Variants in STK3 observed in about 807,000 individuals in gnomAD.
STK3 encodes the protein serine/threonine-protein kinase 3.
A neutral mutation model predicts 58.0 loss-of-function variants in STK3; 41 were observed. The observed-to-expected ratio is 0.71, with a 90% CI of 0.55 to 0.92. The LOEUF (loss-of-function observed/expected upper bound fraction) is 0.92. STK3 is among the 40% of genes least tolerant of loss of function. The pLI is 0.00. For missense variants in STK3, 479 were observed against 602.7 expected (o/e 0.79, Z 2.15); for synonymous variants, 170 against 191.0 (o/e 0.89, Z 0.91).
At chr8:98,454,484 G>C (rs1819350853), downstream of STK3, 1 of 152,618 alleles carries the variant, frequency 6.6e-6, no homozygotes, top group Admixed American at 6.5e-5. Flanking sequence ...TGGAGCAAGA[G>C]TGAGGAATAA....
chr8:98,928,118 C>T (rs1222131218), intron 1 of STK3, among the ~76,000 whole-genome samples: 1 of 152,186 alleles, frequency 6.6e-6, no homozygotes, highest in Non-Finnish European at 1.5e-5. Context: ...GTGTTCAAAG[C>T]AGGTTGGCAT....
intron 3 of STK3, among the ~76,000 whole-genome samples, chr8:98,763,028 T>C (rs1307289732): frequency 6.6e-6 from 1 of 152,216 alleles, no homozygotes; most frequent in Non-Finnish European, 1.5e-5. Context: ...GCTTTAGCAC[T>C]AGAAGACTTT....
chr8:98,839,302 G>A (rs1338524134), intron 3 of STK3, among the ~76,000 whole-genome samples: 4 of 151,870 alleles, frequency 2.6e-5, no homozygotes, highest in African/African-American at 9.7e-5. Context: ...CTCCTGCCTC[G>A]GCCTCCCAAG....
intron 3 of STK3, among the ~76,000 whole-genome samples, chr8:98,421,270 G>C (rs1275801324): frequency 6.6e-6 from 1 of 152,180 alleles, no homozygotes; most frequent in Non-Finnish European, 1.5e-5. Flanking sequence ...CTGAGGCCAA[G>C]GGAGAGGGAG....
chr8:98,589,164 G>A (rs1436240116), intron 7 of STK3, among the ~76,000 whole-genome samples: 121 of 152,346 alleles, frequency 7.9e-4, no homozygotes, highest in Middle Eastern at 3.4e-3. Flanking sequence ...TTTGGAGGAG[G>A]AGAGGCACTC....
At chr8:98,882,410 T>C (rs1390862714), downstream of STK3, 5 of 118,358 alleles carry the variant, frequency 4.2e-5, no homozygotes, top group East Asian at 1.3e-3. Context: ...CATACCAATA[T>C]CCTTTTTTTT....
chr8:98,647,135 A>G (rs1820462623), intron 6 of STK3, among the ~76,000 whole-genome samples: 1 of 152,062 alleles, frequency 6.6e-6, no homozygotes, highest in South Asian at 2.1e-4. Flanking sequence ...CTGCCTCTCC[A>G]AACACAAAAG....
Position 98,629,384 on chromosome 8 carries a change from A to G in STK3, c.685-33215T>C, listed in dbSNP as rs966873110. 3.9e-5 allele frequency among the ~76,000 whole-genome samples: 6 copies of G among 152,278 alleles called. No homozygotes were observed. The South Asian group carries it at 8.3e-4, about 21-fold the overall frequency. On this transcript the variant is annotated intron_variant, in intron 6 of 10. Transcript: ENST00000419617. ...AATAATTGAAAGGGGCATGAAAAAA[A>G]CTGGAGACCCCACACACCCACCTTC...
In STK3 at chr8:98,548,123, A is replaced by G. The variant is rs200040310; in HGVS notation, c.987T>C (p.Thr329=). The part of the protein sequence containing the change: ...DELDSHTMVK[T]SVESVGTMRA... ...GCATGGTGCCCACACTCTCCACACT[A>G]GTCTTCACCATGGTGTGGGAATCCA... is the stretch of plus-strand genomic sequence containing the variant. Residue 329 remains threonine (T), a synonymous_variant, in exon 9 of 11, where the codon ACT becomes ACC. Transcript: ENST00000419617. 489 of 1,588,666 alleles carry G rather than the reference A, an allele frequency of 3.1e-4. 1 individual carries two copies. Among genetic ancestry groups the G allele is most frequent in the South Asian group, 1.0e-4 (9 of 85,858 alleles).
At chr8:98,473,694 G>A (rs766620411) in intron 10 of STK3, among the ~76,000 whole-genome samples, 1 of 152,030 alleles carries the variant, frequency 6.6e-6, no homozygotes, top group Non-Finnish European at 1.5e-5. Flanking sequence ...TTGATACTTT[G>A]TCCACACCTT....
intron 8 of STK3, among the ~76,000 whole-genome samples, chr8:98,574,853 T>A (rs1445186790): frequency 6.6e-6 from 1 of 152,164 alleles, no homozygotes. Flanking sequence ...GAGGTAGGAA[T>A]AGAACTTAGT....
intron 10 of STK3, among the ~76,000 whole-genome samples, chr8:98,506,445 T>TG: frequency 6.6e-6 from 1 of 152,250 alleles, no homozygotes; most frequent in South Asian, 2.1e-4. Context: ...ACCAGGTACC[T>TG]CAATTGGAAA....
rs1054408610 is a variant in STK3 at position 98,795,812 on chromosome 8, A to G, written c.27-20993T>C. Among the ~76,000 whole-genome samples the G allele has an allele frequency of 2.5e-4, 33 of 129,868 alleles. 1 individual carries two copies. In the East Asian group the frequency reaches 4.9e-3, roughly 19 times the overall value. 85.2% of individuals were successfully genotyped at this position (129,868 alleles called of 152,430 possible). On this transcript the variant is annotated intron_variant, in intron 1 of 10. Transcript: ENST00000419617. ...ATGGCCACAAAATACAATACAATAC[A>G]ATACAATACAATACAATACAATACA...
intron 3 of STK3, among the ~76,000 whole-genome samples, chr8:98,840,593 A>ATATATATATATATATATATG (rs1835937780): frequency 2.0e-5 from 1 of 50,054 alleles, no homozygotes; most frequent in African/African-American, 6.5e-5. Context: ...GTATATATAT[A>ATATATATATATATATATATG]TATATATATA....
Position 98,623,172 on chromosome 8 carries a change from TGAG to T in STK3, c.685-27006_685-27004del, listed in dbSNP as rs1818451506. Among the ~76,000 whole-genome samples the T allele has an allele frequency of 2.2e-5, 3 of 135,296 alleles. No individual in the cohort carries two copies. The Admixed American group carries it at 2.3e-4, about 10-fold the overall frequency. 88.8% of individuals were successfully genotyped at this position (135,296 alleles called of 152,430 possible). ...TATTGTGAGGGAGGGAAGAATAAGA[TGAG>T]AAGGAGGAGAAAAAGAAACGAAGAA... On this transcript the variant is annotated intron_variant, in intron 6 of 10. Coordinates refer to ENST00000419617, the MANE Select transcript of STK3 (RefSeq NM_006281.4).
intron 6 of STK3, among the ~76,000 whole-genome samples, chr8:98,650,362 A>C (rs924039041): frequency 6.6e-6 from 1 of 152,266 alleles, no homozygotes; most frequent in East Asian, 1.9e-4. Flanking sequence ...GAGGGCAGCC[A>C]AGATGACCGA....
chr8:98,653,054 T>C (rs1821098530), intron 6 of STK3, among the ~76,000 whole-genome samples: 2 of 152,156 alleles, frequency 1.3e-5, no homozygotes, highest in South Asian at 4.2e-4. Context: ...ACACCACACC[T>C]ATTCCAAAAC....
intron 10 of STK3, among the ~76,000 whole-genome samples, chr8:98,467,557 T>TGTGC (rs1820575380): frequency 6.6e-6 from 1 of 151,618 alleles, no homozygotes; most frequent in Admixed American, 6.6e-5. Context: ...AATGTGTGTG[T>TGTGC]GTGTGTGTGT....
At chr8:98,826,959 G>A (rs1835336513), upstream of STK3, among the ~76,000 whole-genome samples, 1 of 129,996 alleles carries the variant, frequency 7.7e-6, no homozygotes, top group South Asian at 2.4e-4. Context: ...GGAGGCAGAG[G>A]TTGCTTTTAA....
Sources: gnomAD v4.1 joint callset for allele counts (sites outside exome capture counted in the v4.1 genomes callset) on GRCh38, gnomAD v4.1.1 for gene constraint, MANE v1.5 for transcripts, NCBI Gene and HGNC (gene_info 2026-07-23, HGNC 2026-07-21) for gene names.